CLVS1: variants seen among roughly 807,000 people sequenced by gnomAD.
CLVS1 encodes the protein clavesin 1.
CLVS1 carries 10 observed loss-of-function variants against 33.1 expected under a neutral mutation model. That is an observed-to-expected ratio of 0.30 (90% CI 0.19 to 0.51). The LOEUF is 0.51. Ranked by LOEUF, CLVS1 falls within the 20% of genes least tolerant of loss-of-function variation. The pLI, the probability that CLVS1 is intolerant of heterozygous loss-of-function variation, is 0.97. For synonymous variants in CLVS1, 163 were observed against 166.1 expected (o/e 0.98, Z 0.14); for missense variants, 343 against 433.4 (o/e 0.79, Z 1.85).
intron 2 of CLVS1, among the ~76,000 whole-genome samples, chr8:61,264,341 G>C (rs1809264699): frequency 1.3e-5 from 2 of 152,110 alleles, no homozygotes. Flanking sequence ...AGTAATACCA[G>C]ATATGCACAC....
At chr8:61,378,174 T>C (rs934018081) in intron 3 of CLVS1, 2 of 152,248 alleles carry the variant, frequency 1.3e-5, no homozygotes, top group South Asian at 4.1e-4. Flanking sequence ...ACAAGCTGCA[T>C]GTAATCTTAC....
At chr8:61,032,961 CAAGGAAGGAAGGAAGG>C in the CLVS1 span, among the ~76,000 whole-genome samples, 4 of 80,694 alleles carry the variant, frequency 5.0e-5, no homozygotes, top group Admixed American at 4.3e-4. Flanking sequence ...TCAAAAGAAA[CAAGGAAGGAAGGAAGG>C]AAGGAAGGAA....
intron 2 of CLVS1, chr8:61,300,522 G>A (rs1415712659): frequency 1.3e-5 from 5 of 392,690 alleles, no homozygotes; most frequent in South Asian, 6.6e-5. Flanking sequence ...CATCAAAGTG[G>A]GTCATTCACT....
At chr8:61,222,358 T>G (rs1310429477) in intron 2 of CLVS1, among the ~76,000 whole-genome samples, 1 of 152,230 alleles carries the variant, frequency 6.6e-6, no homozygotes, top group Non-Finnish European at 1.5e-5. Flanking sequence ...CTTAGCTGTG[T>G]CCCAGAGATT....
intron 2 of CLVS1, among the ~76,000 whole-genome samples, chr8:61,325,609 G>A (rs1811354658): frequency 6.6e-6 from 1 of 152,108 alleles, no homozygotes; most frequent in African/African-American, 2.4e-5. Context: ...CTGCTGTGTG[G>A]CAACACCTTG....
At chr8:61,185,405 C>T (rs531466296) in intron 2 of CLVS1, among the ~76,000 whole-genome samples, 7 of 151,548 alleles carry the variant, frequency 4.6e-5, no homozygotes, top group South Asian at 2.1e-4. Context: ...CCTCCCGCCT[C>T]GGCCTCCAAA....
intron 2 of CLVS1, among the ~76,000 whole-genome samples, chr8:61,160,949 A>G (rs952021418): frequency 1.3e-5 from 2 of 152,216 alleles, no homozygotes; most frequent in African/African-American, 4.8e-5. Flanking sequence ...TTTAATATCC[A>G]AGATATATAA....
intron 2 of CLVS1, among the ~76,000 whole-genome samples, chr8:61,359,174 T>G (rs1812869013): frequency 6.6e-6 from 1 of 152,196 alleles, no homozygotes. Flanking sequence ...CAGAACTAAG[T>G]TACCAACCAC....
chr8:61,490,141 C>A (rs1804018889), intron 5 of CLVS1, among the ~76,000 whole-genome samples: 1 of 151,816 alleles, frequency 6.6e-6, no homozygotes, highest in Non-Finnish European at 1.5e-5. Context: ...CATGGTGAAA[C>A]CCCATCTCTA....
chr8:61,208,079 C>T (rs144815388), intron 2 of CLVS1, among the ~76,000 whole-genome samples: 3 of 152,206 alleles, frequency 2.0e-5, no homozygotes, highest in East Asian at 1.9e-4. Flanking sequence ...CTTTTCTCAA[C>T]GAGTCTTGGT....
intron 2 of CLVS1, among the ~76,000 whole-genome samples, chr8:61,140,242 G>A (rs943308063): frequency 2.0e-5 from 3 of 152,188 alleles, no homozygotes; most frequent in African/African-American, 7.2e-5. Flanking sequence ...GTTCCCCAGC[G>A]TGCTTTATTT....
intron 2 of CLVS1, among the ~76,000 whole-genome samples, chr8:61,152,979 A>G (rs953129581): frequency 4.6e-5 from 7 of 152,146 alleles, no homozygotes; most frequent in South Asian, 2.1e-4. Context: ...AGCCCTGGGC[A>G]ACATGGTGAA....
the CLVS1 span, among the ~76,000 whole-genome samples, chr8:60,992,674 C>A: frequency 6.6e-6 from 1 of 152,212 alleles, no homozygotes; most frequent in Non-Finnish European, 1.5e-5. Context: ...CACAAAAGCT[C>A]CATGGAGGTA....
In CLVS1 at chr8:61,406,380, C is replaced by A. The variant is rs552712865; in HGVS notation, c.630+29601C>A. On this transcript the variant is annotated intron_variant, in intron 3 of 5. Coordinates refer to ENST00000325897, the MANE Select transcript of CLVS1 (RefSeq NM_173519.3). ...ATAAGTTCATGACCCATTACTTTAC[C>A]TCCTCTGTACTTCAAGAAAGCTCTT... 1.1e-4 allele frequency among the ~76,000 whole-genome samples: 16 copies of A among 152,260 alleles called. 1 individual carries two copies. The South Asian group carries it at 3.1e-3, about 30-fold the overall frequency.
chr8:61,279,509 A>G (rs1343627642), intron 2 of CLVS1, among the ~76,000 whole-genome samples: 1 of 152,230 alleles, frequency 6.6e-6, no homozygotes, highest in Non-Finnish European at 1.5e-5. Flanking sequence ...AAATTTGAAT[A>G]ACTGCATTCA....
chr8:61,297,559 G>A (rs1020741780), intron 1 of CLVS1, among the ~76,000 whole-genome samples: 6 of 152,164 alleles, frequency 3.9e-5, no homozygotes, highest in African/African-American at 1.2e-4. Context: ...TCAGGATAAG[G>A]AACTATGATT....
Position 61,500,622 on chromosome 8 carries a change from A to G in CLVS1, c.*1080A>G, listed in dbSNP as rs1055559787. ...AATGGAGTCCCCAACTACTCATTCA[A>G]AAGAAATCAGACATAAAATAAACAG... On this transcript the variant is annotated 3_prime_UTR_variant, in exon 6 of 6. Transcript: ENST00000325897. 1.4e-5 allele frequency: 2 copies of G among 143,386 alleles called. No individual in the cohort carries two copies. The highest frequency in any genetic ancestry group is 5.6e-5 in the African/African-American group (2 of 35,540). The allele number at this position is 143,386 out of a possible 1,614,324, so 8.9% of individuals were successfully genotyped here.
At chr8:61,318,807 T>C (rs1318302612) in intron 2 of CLVS1, among the ~76,000 whole-genome samples, 1 of 152,048 alleles carries the variant, frequency 6.6e-6, no homozygotes, top group East Asian at 1.9e-4. Flanking sequence ...ATGGGGGTCT[T>C]GTTATGTTGC....
chr8:61,038,834 C>T, the CLVS1 span, among the ~76,000 whole-genome samples: 4 of 152,118 alleles, frequency 2.6e-5, no homozygotes, highest in South Asian at 4.1e-4. Context: ...GAAGTGACTC[C>T]GGACACTCAC....
Sources: allele counts gnomAD v4.1 joint callset (sites outside exome capture counted in the v4.1 genomes callset), GRCh38; gene constraint gnomAD v4.1.1; transcripts MANE v1.5; gene names NCBI Gene and HGNC (gene_info 2026-07-23, HGNC 2026-07-21).